The following NEXN variants were observed in gnomAD, a reference collection of about 807,000 sequenced individuals.
NEXN encodes the protein nexilin.
In NEXN, 65 loss-of-function variants were observed where a neutral mutation model predicts 92.6. The ratio of observed to expected loss-of-function variants is 0.70; its 90% CI spans 0.57 to 0.86. The LOEUF is 0.86. Ranked by LOEUF, NEXN falls within the 40% of genes least tolerant of loss-of-function variation. The pLI is 0.00. For synonymous variants in NEXN, 254 were observed against 242.5 expected, an observed-to-expected ratio of 1.05 and a Z score of -0.44; for missense variants, 778 against 771.1, an observed-to-expected ratio of 1.01 and a Z score of -0.11.
intron 1 of NEXN, among the ~76,000 whole-genome samples, chr1:77,891,313 T>G (rs141374810): frequency 5.9e-5 from 9 of 152,166 alleles, no homozygotes; most frequent in Non-Finnish European, 8.8e-5. Context: ...AGGATTTTGA[T>G]GTATTTCCTT....
At chr1:77,912,335 G>T (rs1648654519) in intron 1 of NEXN, among the ~76,000 whole-genome samples, 1 of 152,082 alleles carries the variant, frequency 6.6e-6, no homozygotes, top group Non-Finnish European at 1.5e-5. Flanking sequence ...TGTGTTCATG[G>T]ATCAGAAGAC....
At chr1:77,934,626 T>C (rs1460023127) in intron 10 of NEXN, among the ~76,000 whole-genome samples, 2 of 152,188 alleles carry the variant, frequency 1.3e-5, no homozygotes, top group Non-Finnish European at 2.9e-5. Context: ...CCTAACCTTC[T>C]TCCCTCTTCG....
intron 1 of NEXN, among the ~76,000 whole-genome samples, chr1:77,901,918 G>A (rs1472741953): frequency 1.3e-5 from 2 of 152,072 alleles, no homozygotes; most frequent in African/African-American, 2.4e-5. Flanking sequence ...TTTTATGTGT[G>A]TTTACACACT....
rs550469706 is a variant in NEXN, at chr1:77,900,225, TG to T, written c.-53+11468del. ...TTTTGTTCATTCTGGTTCTTTTTCCTGGATGCCTTTACAATCTTTTCCACTT... is the reference window on the plus strand; with the variant it reads ...TTTTGTTCATTCTGGTTCTTTTTCCTGATGCCTTTACAATCTTTTCCACTT... On this transcript the variant is annotated intron_variant, in intron 1 of 12. Transcript: ENST00000334785. 5.3e-4 allele frequency among the ~76,000 whole-genome samples: 80 copies of T among 152,310 alleles called. No homozygotes were observed. The South Asian group carries it at 0.016, about 30-fold the overall frequency.
chr1:77,927,590 G>A (rs1240125254), intron 8 of NEXN, among the ~76,000 whole-genome samples: 1 of 145,046 alleles, frequency 6.9e-6, no homozygotes, highest in Non-Finnish European at 1.5e-5. Context: ...GCATGCCTCT[G>A]TGTGTGTGTG....
At chr1:77,918,668 GAAAAAAAA>G (rs376219706) in intron 5 of NEXN, among the ~76,000 whole-genome samples, 5 of 77,168 alleles carry the variant, frequency 6.5e-5, no homozygotes, top group Non-Finnish European at 1.3e-4. Flanking sequence ...CTATCTCAAA[GAAAAAAAA>G]AAAAAAAAAA....
intron 6 of NEXN, 103 bp downstream of exon 6, chr1:77,925,332 T>C: frequency 1.2e-6 from 1 of 835,918 alleles, no homozygotes; most frequent in Non-Finnish European, 1.9e-6. Flanking sequence ...ATTATTTTTA[T>C]TATAAATGTA....
intron 9 of NEXN, among the ~76,000 whole-genome samples, chr1:77,931,283 G>A (rs1218252806): frequency 6.7e-6 from 1 of 149,730 alleles, no homozygotes; most frequent in East Asian, 1.9e-4. Flanking sequence ...GCGTGTTGGC[G>A]GGCACCTGTA....
chr1:77,931,288 C>G (rs966763235), intron 9 of NEXN, among the ~76,000 whole-genome samples: 2 of 148,978 alleles, frequency 1.3e-5, no homozygotes, highest in Non-Finnish European at 3.0e-5. Flanking sequence ...TTGGCGGGCA[C>G]CTGTAGTCCC....
At chr1:77,938,346 A>C (rs374020083) in intron 11 of NEXN, among the ~76,000 whole-genome samples, 1 of 152,272 alleles carries the variant, frequency 6.6e-6, no homozygotes, top group East Asian at 1.9e-4. Flanking sequence ...GGATATAATA[A>C]GCATTTAAGA....
At chr1:77,934,886 T>C (rs1035904823) in intron 10 of NEXN, among the ~76,000 whole-genome samples, 2 of 152,206 alleles carry the variant, frequency 1.3e-5, no homozygotes, top group Non-Finnish European at 2.9e-5. Context: ...AATTATTAAC[T>C]TGAGTATTAA....
At chr1:77,915,390 G>A (rs1648889118) in intron 1 of NEXN, among the ~76,000 whole-genome samples, 1 of 152,216 alleles carries the variant, frequency 6.6e-6, no homozygotes, top group African/African-American at 2.4e-5. Flanking sequence ...AGCACTTTGG[G>A]AGGCCGAGGC....
Position 77,943,314 on chromosome 1 carries a change from A to T in NEXN, c.*485A>T. The T allele has an allele frequency of 5.6e-6, 1 of 178,432 alleles. No homozygotes were observed. The highest frequency in any genetic ancestry group is 5.6e-5 in the Admixed American group (1 of 17,838). 11.1% of individuals were successfully genotyped at this position (178,432 alleles called of 1,614,324 possible). ...TGTCATTTCTGAGCTTTTTACACCTAAAATTAGGCTGAAATAGCTGAGATA... is the reference window on the plus strand; with the variant it reads ...TGTCATTTCTGAGCTTTTTACACCTTAAATTAGGCTGAAATAGCTGAGATA... On this transcript the variant is annotated 3_prime_UTR_variant, in exon 13 of 13. Transcript: ENST00000334785.
intron 5 of NEXN, chr1:77,924,368 A>G (rs1199132411): frequency 6.6e-6 from 1 of 151,914 alleles, no homozygotes; most frequent in Non-Finnish European, 1.5e-5. Context: ...TCTCAAAAAA[A>G]AAAATAAACT....
At chr1:77,926,016 G>A (rs1202380078) in intron 6 of NEXN, among the ~76,000 whole-genome samples, 1 of 152,010 alleles carries the variant, frequency 6.6e-6, no homozygotes, top group East Asian at 1.9e-4. Context: ...TGCATAGAGA[G>A]AAAAATCATA....
chr1:77,930,619 T>C (rs771781764), intron 9 of NEXN, among the ~76,000 whole-genome samples: 42 of 152,242 alleles, frequency 2.8e-4, no homozygotes, highest in Admixed American at 5.9e-4. Flanking sequence ...TCTTGTATAT[T>C]GCTCTCGTTT....
rs1039321234 is a variant in NEXN, at chr1:77,917,835, C to A, written c.219+78C>A. The A allele has an allele frequency of 5.7e-6, 8 of 1,400,526 alleles. No homozygotes were observed. The African/African-American group carries it at 1.0e-4, about 17-fold the overall frequency. The allele number at this position is 1,400,526 out of a possible 1,614,324, so 86.8% of individuals were successfully genotyped here. ...TTAAATTGTATTTATTCACATTAAC[C>A]ACATTTCACATTAACTATAACTAAA... is the stretch of plus-strand genomic sequence containing the variant. On this transcript the variant is annotated intron_variant, in intron 3 of 12. Coordinates refer to ENST00000334785, the MANE Select transcript of NEXN (RefSeq NM_144573.4).
intron 1 of NEXN, among the ~76,000 whole-genome samples, chr1:77,895,130 C>T (rs1276378251): frequency 3.4e-5 from 5 of 145,842 alleles, no homozygotes; most frequent in African/African-American, 5.1e-5. Flanking sequence ...CTGCAAACTC[C>T]GCCTCCCAGA....
At chr1:77,893,212 A>G (rs1428576195) in intron 1 of NEXN, among the ~76,000 whole-genome samples, 1 of 151,866 alleles carries the variant, frequency 6.6e-6, no homozygotes, top group Non-Finnish European at 1.5e-5. Flanking sequence ...TGTTTAGGAG[A>G]GTTTTTGTGA....
Sources: allele counts gnomAD v4.1 joint callset (sites outside exome capture counted in the v4.1 genomes callset), GRCh38; gene constraint gnomAD v4.1.1; transcripts MANE v1.5; gene names NCBI Gene and HGNC (gene_info 2026-07-23, HGNC 2026-07-21).